Variants in ADAMTS20 observed in about 807,000 individuals in gnomAD.
The protein encoded by ADAMTS20 is ADAM metallopeptidase with thrombospondin type 1 motif 20.
ADAMTS20 carries 225 observed loss-of-function variants against 260.1 expected under a neutral mutation model. The observed-to-expected ratio is 0.87, with a 90% CI of 0.78 to 0.97. The LOEUF (loss-of-function observed/expected upper bound fraction) is 0.97, where lower values mean the gene tolerates loss of function less well. Ranked by LOEUF, ADAMTS20 falls within the 50% of genes least tolerant of loss-of-function variation. The probability of loss-of-function intolerance (pLI) is 0.00; values close to 1 mark genes in which losing one functional copy is unlikely to be tolerated. For synonymous variants in ADAMTS20, 802 were observed against 769.5 expected (o/e 1.04, Z -0.70); for missense variants, 2,400 against 2,337.7 (o/e 1.03, Z -0.55).
intron 29 of ADAMTS20, among the ~76,000 whole-genome samples, chr12:43,395,677 CTTTTTTTTT>C (rs5797860): frequency 3.3e-5 from 3 of 90,828 alleles, no homozygotes; most frequent in Admixed American, 1.2e-4. Context: ...GTGTGAGATT[CTTTTTTTTT>C]TTTTTTTTTT....
rs770174733 is a variant in ADAMTS20 at position 43,369,378 on chromosome 12, G to A, written c.5450C>T (p.Thr1817Met). 103 of 1,506,616 alleles carry A rather than the reference G, an allele frequency of 6.8e-5. No homozygotes were observed. In the Middle Eastern group the frequency reaches 1.0e-3, roughly 15 times the overall value. 93.3% of individuals were successfully genotyped at this position (1,506,616 alleles called of 1,614,324 possible). Residue 1817 changes from threonine (T) to methionine (M), a missense_variant, in exon 37 of 39, where the codon ACG becomes ATG. Physicochemically the swap from Thr to Met is moderately conservative, Grantham distance 81 (BLOSUM62 -1). Coordinates refer to ENST00000389420, the MANE Select transcript of ADAMTS20 (RefSeq NM_025003.5). ...TATTGTTTTGGAAAAAAGAAGGTCCGTAGCTAGAAAATAATAAATAAAACT... is the reference window on the plus strand; with the variant it reads ...TATTGTTTTGGAAAAAAGAAGGTCCATAGCTAGAAAATAATAAATAAAACT... ...IDLTSMQIKT[T>M]DLLFSKTIFG...
In ADAMTS20 at chr12:43,428,678, C is replaced by CATA. The variant is rs777194427; in HGVS notation, c.3610_3611insTAT (p.Asp1203_Cys1204insLeu). The CATA allele has an allele frequency of 8.7e-6, 14 of 1,610,564 alleles. No homozygotes were observed. The highest frequency in any genetic ancestry group is 1.0e-5 in the Non-Finnish European group (12 of 1,177,812). On this transcript the variant is annotated inframe_insertion, in exon 25 of 39. Transcript: ENST00000389420. Reference sequence around the variant, plus strand: ...TTGCCACTCTCCACAAGGGGTAAAACAGTCCCATATTTCAGCAGGTCGGGG... The same window carrying CATA: ...TTGCCACTCTCCACAAGGGGTAAAACATAAGTCCCATATTTCAGCAGGTCGGGG...
chr12:43,532,285 A>G (rs1479105449), intron 2 of ADAMTS20, 90 bp from the exon 3 acceptor site: 5 of 1,131,806 alleles, frequency 4.4e-6, no homozygotes, highest in South Asian at 1.7e-5. Context: ...AGCAGACAGA[A>G]GCAAAACAGC....
Position 43,453,914 on chromosome 12 carries a change from G to T in ADAMTS20, c.1753C>A (p.Arg585Ser), listed in dbSNP as rs746899207. ...GIESATRRCNRPEPRNGGNYC... is the reference protein window; with the variant it reads ...GIESATRRCNSPEPRNGGNYC... Reference sequence around the variant, plus strand: ...GACATAAAAAAGACATACTCAGGACGATTACAGCGCCTGGTTGCACTTTCG... The same window carrying T: ...GACATAAAAAAGACATACTCAGGACTATTACAGCGCCTGGTTGCACTTTCG... The change falls in exon 12 of 39, where the codon CGT becomes AGT. Residue 585 changes from arginine (R) to serine (S), a missense_variant. By Grantham distance (110) the Arg-to-Ser change is moderately radical. Transcript: ENST00000389420. 4 of 1,601,712 alleles carry T rather than the reference G, an allele frequency of 2.5e-6. No individual in the cohort carries two copies. The highest frequency in any genetic ancestry group is 2.6e-6 in the Non-Finnish European group (3 of 1,173,292).
In ADAMTS20 at chr12:43,447,293, C is replaced by T. The variant is rs115441751; in HGVS notation, c.2080-581G>A. Among the ~76,000 whole-genome samples the T allele has an allele frequency of 5.3e-4, 80 of 152,240 alleles. 1 individual carries two copies. Among genetic ancestry groups the T allele is most frequent in the African/African-American group, 1.7e-3 (71 of 41,554 alleles). ...GCAGCAAATCAAAAAGCTTATCCAC[C>T]GCAATCAAGTAGACTTCATCCCCGG... On this transcript the variant is annotated intron_variant, in intron 14 of 38. Coordinates refer to ENST00000389420, the MANE Select transcript of ADAMTS20 (RefSeq NM_025003.5).
chr12:43,453,756 T>G, intron 12 of ADAMTS20, 151 bp downstream of exon 12: 1 of 714,996 alleles, frequency 1.4e-6, no homozygotes, highest in Non-Finnish European at 2.2e-6. Flanking sequence ...TCTACCAAAA[T>G]ATAAATCAAT....
At chr12:43,368,698 A>G (rs1940039088) in intron 37 of ADAMTS20, among the ~76,000 whole-genome samples, 1 of 151,990 alleles carries the variant, frequency 6.6e-6, no homozygotes, top group African/African-American at 2.4e-5. Context: ...CTATCATAAA[A>G]ATGTTCTTTT....
At chr12:43,528,368 A>AC (rs1943174202) in intron 3 of ADAMTS20, among the ~76,000 whole-genome samples, 1 of 148,552 alleles carries the variant, frequency 6.7e-6, no homozygotes, top group African/African-American at 2.5e-5. Context: ...AAAAAAAAAA[A>AC]AAAAAACACA....
Position 43,446,597 on chromosome 12 carries a change from T to C in ADAMTS20, c.2195A>G (p.Tyr732Cys). Residue 732 changes from tyrosine to cysteine, a missense_variant and splice_region_variant, in exon 15 of 39, where the codon TAT becomes TGT. By Grantham distance (194) the Tyr-to-Cys change is radical. Coordinates refer to ENST00000389420, the MANE Select transcript of ADAMTS20 (RefSeq NM_025003.5). ...TITGVFNSSHYGYNVVVKIPA... is the reference protein window; with the variant it reads ...TITGVFNSSHCGYNVVVKIPA... ...CTAGAAACAAATACACAACTTACCA[T>C]AATGAGAACTGTTGAAGACACCTGT... is the stretch of plus-strand genomic sequence containing the variant. The C allele has an allele frequency of 1.2e-6, 2 of 1,610,434 alleles. No individual in the cohort carries two copies. Among genetic ancestry groups the C allele is most frequent in the Non-Finnish European group, 1.7e-6 (2 of 1,177,018 alleles).
At chr12:43,540,642 A>G (rs1371955650) in intron 2 of ADAMTS20, among the ~76,000 whole-genome samples, 1 of 151,948 alleles carries the variant, frequency 6.6e-6, no homozygotes, top group African/African-American at 2.4e-5. Context: ...GCAGACTTAA[A>G]AAAAAAACAG....
At chr12:43,488,409 G>A (rs1484726766) in intron 7 of ADAMTS20, among the ~76,000 whole-genome samples, 1 of 152,122 alleles carries the variant, frequency 6.6e-6, no homozygotes, top group African/African-American at 2.4e-5. Context: ...CCCACACAGT[G>A]ACTTCGAACT....
At chr12:43,529,981 A>T (rs758642126) in intron 3 of ADAMTS20, among the ~76,000 whole-genome samples, 44 of 152,160 alleles carry the variant, frequency 2.9e-4, no homozygotes, top group Non-Finnish European at 3.8e-4. Flanking sequence ...ATTAGTGATT[A>T]AAAATGTGTA....
chr12:43,460,590 G>T (rs567321791), intron 11 of ADAMTS20, among the ~76,000 whole-genome samples: 63 of 152,164 alleles, frequency 4.1e-4, no homozygotes, highest in African/African-American at 1.5e-3. Flanking sequence ...TCTACACCAA[G>T]AGAAACACAA....
At chr12:43,526,319 G>C (rs763439326) in intron 3 of ADAMTS20, among the ~76,000 whole-genome samples, 1 of 152,076 alleles carries the variant, frequency 6.6e-6, no homozygotes, top group African/African-American at 2.4e-5. Flanking sequence ...TTAGCCAGGC[G>C]TGGTGGCGGG....
At chr12:43,519,919 T>C (rs1489029420) in intron 3 of ADAMTS20, among the ~76,000 whole-genome samples, 2 of 152,078 alleles carry the variant, frequency 1.3e-5, no homozygotes, top group Non-Finnish European at 2.9e-5. Flanking sequence ...ATCTGAAGAG[T>C]GGTCATCAAA....
chr12:43,431,327 CT>C lies in ADAMTS20; in HGVS notation c.3261+4del. The C allele has an allele frequency of 6.2e-7, 1 of 1,613,178 alleles. No individual in the cohort carries two copies. Among genetic ancestry groups the C allele is most frequent in the South Asian group, 1.1e-5 (1 of 90,980 alleles). ...AAATTAGAAAAACCCATATCATATA[CT>C]CACAGGACCCCATGGTCCTACTTGC... On this transcript the variant is annotated splice_donor_region_variant and intron_variant, in intron 22 of 38. Transcript: ENST00000389420.
chr12:43,369,546 G>A (rs186624331), intron 36 of ADAMTS20, among the ~76,000 whole-genome samples, 165 bp from the exon 37 acceptor site: 3 of 151,952 alleles, frequency 2.0e-5, no homozygotes, highest in East Asian at 1.9e-4. Context: ...CATAGAATAA[G>A]CTCTCATTGA....
At chr12:43,363,617 T>C (rs575094946) in intron 37 of ADAMTS20, among the ~76,000 whole-genome samples, 1 of 152,136 alleles carries the variant, frequency 6.6e-6, no homozygotes, top group Non-Finnish European at 1.5e-5. Flanking sequence ...GTTGTAAAAA[T>C]AGGAAATTCA....
In ADAMTS20 at chr12:43,381,536, C is replaced by A. The variant is rs1940350557; in HGVS notation, c.4797+2022G>T. On this transcript the variant is annotated intron_variant, in intron 31 of 38. Transcript: ENST00000389420. ...GGTAGCTTATGCTATAGTCCCAGCACTTTTGGAGGTCCAGGAGGGATGATC... is the reference window on the plus strand; with the variant it reads ...GGTAGCTTATGCTATAGTCCCAGCAATTTTGGAGGTCCAGGAGGGATGATC... Among the ~76,000 whole-genome samples, 3 of 148,270 alleles carry A rather than the reference C, an allele frequency of 2.0e-5. No homozygotes were observed. In the South Asian group the frequency reaches 6.4e-4, roughly 31 times the overall value.
Sources: gnomAD v4.1 joint callset for allele counts (sites outside exome capture counted in the v4.1 genomes callset) on GRCh38, gnomAD v4.1.1 for gene constraint, MANE v1.5 for transcripts, NCBI Gene and HGNC (gene_info 2026-07-23, HGNC 2026-07-21) for gene names.